The following DMD variants were observed in gnomAD, a reference collection of about 807,000 sequenced individuals.
The protein encoded by DMD is mutant dystrophin.
A neutral mutation model predicts 330.1 loss-of-function variants in DMD; 63 were observed. The ratio of observed to expected loss-of-function variants is 0.19; its 90% confidence interval spans 0.16 to 0.24. The LOEUF (loss-of-function observed/expected upper bound fraction) is 0.24, where lower values mean the gene tolerates loss of function less well. Among genes scored for constraint, DMD ranks in the 10% least tolerant of loss-of-function variants. The pLI is 1.00. For synonymous variants in DMD, 1,223 were observed against 959.8 expected (o/e 1.27, Z -5.07); for missense variants, 3,344 against 2,684.1 (o/e 1.25, Z -5.43).
chrX:32,709,416 G>A (rs1044529055), intron 7 of DMD, among the ~76,000 whole-genome samples: 21 of 111,824 alleles, frequency 1.9e-4, no homozygotes, highest in African/African-American at 6.8e-4. Flanking sequence ...TCATTAAAAT[G>A]TATATACTAA....
intron 1 of DMD, among the ~76,000 whole-genome samples, chrX:33,259,345 T>C (rs999864444): frequency 1.8e-5 from 2 of 109,950 alleles, no homozygotes; most frequent in Non-Finnish European, 3.8e-5. Flanking sequence ...AGTCCATAGA[T>C]TACATTAGGT....
chrX:31,444,588 T>A lies in DMD; in HGVS notation c.8977A>T (p.Ser2993Cys). ...TGGCGAGCAAGGTCATTGACGTGGC[T>A]CACGTTCTCTTTCAGAGGCGCAATT... ...GEIAPLKENV[S>C]HVNDLARQLT... The change falls in exon 60 of 79, where the codon AGC becomes TGC. Residue 2993 changes from serine (S) to cysteine (C), a missense_variant. Coordinates refer to ENST00000357033, the MANE Select transcript of DMD (RefSeq NM_004006.3). 1 of 1,211,676 alleles carries A rather than the reference T, an allele frequency of 8.3e-7. No homozygotes were observed. Among genetic ancestry groups the A allele is most frequent in the Non-Finnish European group, 1.1e-6 (1 of 895,476 alleles).
At chrX:32,702,926 C>T (rs2064267236) in intron 7 of DMD, among the ~76,000 whole-genome samples, 1 of 111,401 alleles carries the variant, frequency 9.0e-6, no homozygotes, top group Non-Finnish European at 1.9e-5. Context: ...AAAGAGGACA[C>T]TGATTGTTCT....
Position 32,335,225 on chromosome X carries a change from G to A in DMD, c.5922+6875C>T, listed in dbSNP as rs542946017. 1.9e-4 allele frequency among the ~76,000 whole-genome samples: 20 copies of A among 107,649 alleles called. No individual in the cohort carries two copies. In the South Asian group the frequency reaches 2.8e-3, roughly 15 times the overall value. 93.5% of individuals were successfully genotyped at this position (107,649 alleles called of 115,157 possible). On this transcript the variant is annotated intron_variant, in intron 41 of 78. Transcript: ENST00000357033. Reference sequence around the variant, plus strand: ...AAGGACTACTTTTTTTTCTTGAGGCGGGGTCTCAATCTGTTGCCCAGGCTG... The same window carrying A: ...AAGGACTACTTTTTTTTCTTGAGGCAGGGTCTCAATCTGTTGCCCAGGCTG...
intron 27 of DMD, among the ~76,000 whole-genome samples, chrX:32,443,355 A>C (rs1055663668): frequency 9.0e-6 from 1 of 110,709 alleles, no homozygotes; most frequent in African/African-American, 3.3e-5. Flanking sequence ...TTGATATCTT[A>C]TGTACAGTTT....
intron 1 of DMD, among the ~76,000 whole-genome samples, chrX:33,074,997 G>A (rs1237013142): frequency 9.0e-6 from 1 of 111,530 alleles, no homozygotes; most frequent in Non-Finnish European, 1.9e-5. Context: ...AGACCACCAG[G>A]CTAGGAGGAT....
At chrX:31,344,345 T>C (rs1242461439) in intron 61 of DMD, among the ~76,000 whole-genome samples, 2 of 111,961 alleles carry the variant, frequency 1.8e-5, no homozygotes, top group Admixed American at 1.9e-4. Flanking sequence ...ATGCTCGATA[T>C]AATAAAGATT....
At chrX:33,073,947 T>C (rs1334617284) in intron 1 of DMD, among the ~76,000 whole-genome samples, 3 of 112,236 alleles carry the variant, frequency 2.7e-5, no homozygotes, top group African/African-American at 9.7e-5. Context: ...ATTTTGCATT[T>C]AACAAAATAC....
chrX:31,283,868 T>C (rs952677404), intron 62 of DMD, among the ~76,000 whole-genome samples: 9 of 111,974 alleles, frequency 8.0e-5, no homozygotes, highest in African/African-American at 2.9e-4. Context: ...AACAGTTGAC[T>C]CATGGATGCA....
chrX:31,635,952 A>G (rs2079388862), intron 54 of DMD, among the ~76,000 whole-genome samples: 1 of 111,903 alleles, frequency 8.9e-6, no homozygotes. Flanking sequence ...CAAAAATAAC[A>G]GGTTCTGGAG....
At chrX:31,658,256 A>G in intron 53 of DMD, 112 bp from the exon 54 acceptor site, 2 of 841,444 alleles carry the variant, frequency 2.4e-6, no homozygotes, top group Non-Finnish European at 3.5e-6. Flanking sequence ...GTCAGAATAC[A>G]TATATTAGAT....
At chrX:32,728,849 C>T (rs2067196371) in intron 7 of DMD, among the ~76,000 whole-genome samples, 1 of 111,585 alleles carries the variant, frequency 9.0e-6, no homozygotes. Flanking sequence ...TGAAGAAGGC[C>T]TGACGTTGGC....
intron 60 of DMD, among the ~76,000 whole-genome samples, chrX:31,349,920 C>G (rs2148500529): frequency 9.0e-6 from 1 of 111,383 alleles, no homozygotes; most frequent in South Asian, 3.9e-4. Context: ...GCTCAGGTAG[C>G]CTGGTCTCAA....
intron 17 of DMD, among the ~76,000 whole-genome samples, chrX:32,539,224 A>G (rs900294608): frequency 9.8e-6 from 1 of 101,807 alleles, no homozygotes; most frequent in African/African-American, 3.7e-5. Context: ...ATTTGAATTT[A>G]TGACCAAGGT....
intron 55 of DMD, among the ~76,000 whole-genome samples, chrX:31,573,478 T>C (rs755462276): frequency 9.0e-6 from 1 of 111,713 alleles, no homozygotes; most frequent in African/African-American, 3.2e-5. Flanking sequence ...GGATCTTTTC[T>C]AAGCTGAATA....
At chrX:32,548,344 T>C (rs2049180518) in intron 16 of DMD, among the ~76,000 whole-genome samples, 1 of 111,942 alleles carries the variant, frequency 8.9e-6, no homozygotes. Context: ...CAAGTAATTT[T>C]CTCTTTAAAT....
chrX:31,950,947 C>G (rs2150093958), intron 45 of DMD, among the ~76,000 whole-genome samples: 1 of 106,055 alleles, frequency 9.4e-6, no homozygotes, highest in East Asian at 2.9e-4. Context: ...AATTGGAATG[C>G]TTAGTTCACT....
chrX:32,082,556 A>T (rs929453473), intron 44 of DMD, among the ~76,000 whole-genome samples: 1 of 111,644 alleles, frequency 9.0e-6, no homozygotes, highest in African/African-American at 3.3e-5. Context: ...GCACCTGGCC[A>T]TTATTTCCTT....
At chrX:32,195,278 C>G (rs775329803) in intron 44 of DMD, among the ~76,000 whole-genome samples, 1 of 110,626 alleles carries the variant, frequency 9.0e-6, no homozygotes, top group South Asian at 3.9e-4. Context: ...GTGCGGCAGC[C>G]AATGAATTGT....
Sources: gnomAD v4.1 joint callset for allele counts (sites outside exome capture counted in the v4.1 genomes callset) on GRCh38, gnomAD v4.1.1 for gene constraint, MANE v1.5 for transcripts, NCBI Gene and HGNC (gene_info 2026-07-23, HGNC 2026-07-21) for gene names.